Variants in PPP1R14A observed in about 807,000 individuals in gnomAD.
The protein encoded by PPP1R14A is protein phosphatase 1 regulatory subunit 14A.
A neutral mutation model predicts 14.1 loss-of-function variants in PPP1R14A; 9 were observed. The observed-to-expected ratio is 0.64, with a 90% CI of 0.38 to 1.11. The LOEUF (loss-of-function observed/expected upper bound fraction) is 1.11, where lower values mean the gene tolerates loss of function less well. Among genes scored for constraint, PPP1R14A ranks in the 50% most tolerant of loss-of-function variants. The pLI is 0.01. For synonymous variants in PPP1R14A, 93 were observed against 88.7 expected (o/e 1.05, Z -0.27); for missense variants, 208 against 200.7 (o/e 1.04, Z -0.22).
chr19:38,251,402 C>T lies in PPP1R14A; in HGVS notation c.360G>A (p.Arg120=). 6.4e-7 allele frequency: 1 copy of T among 1,561,038 alleles called. No homozygotes were observed. The highest frequency in any genetic ancestry group is 8.6e-7 in the Non-Finnish European group (1 of 1,161,918). ...ELLAKLQGLH[R]QPGLRQPSPS... ...GGCTTGGCTGGCGGAGGCCGGGCTG[C>T]CTGTGGAGGCCTTGAAGCTTTGCCA... is the stretch of plus-strand genomic sequence containing the variant. The change falls in exon 4 of 4, where the codon AGG becomes AGA. Residue 120 remains arginine, a synonymous_variant. Coordinates refer to ENST00000301242, the MANE Select transcript of PPP1R14A (RefSeq NM_033256.3).
Position 38,251,321 on chromosome 19 carries a change from G to T in PPP1R14A, c.441C>A (p.Pro147=). The stretch of plus-strand genomic sequence containing the variant: ...GGGCAGGGAGAGTGCAAGAGGGTCA[G>T]GGGTGAGCAGTCCGGGCCCGGTCCT... ...PLQDRARTAH[P] Residue 147 remains proline, a synonymous_variant, in exon 4 of 4, where the codon CCC becomes CCA. Transcript: ENST00000301242. 1 of 1,500,870 alleles carries T rather than the reference G, an allele frequency of 6.7e-7. No individual in the cohort carries two copies. Among genetic ancestry groups the T allele is most frequent in the Non-Finnish European group, 8.8e-7 (1 of 1,138,862 alleles). The allele number at this position is 1,500,870 out of a possible 1,614,324, so 93.0% of individuals were successfully genotyped here.
intron 1 of PPP1R14A, among the ~76,000 whole-genome samples, chr19:38,253,952 A>C (rs1395436437): frequency 2.6e-5 from 4 of 152,164 alleles, no homozygotes; most frequent in Non-Finnish European, 5.9e-5. Context: ...GGTGTGTGAC[A>C]CATCAGCATG....
Position 38,252,287 on chromosome 19 carries a change from T to G in PPP1R14A, c.315+19A>C. ...ACTTGGGGCCAGAACAGGGAGAGAA[T>G]GAGGGAGAGAAAACTCACCTCGACA... On this transcript the variant is annotated intron_variant, in intron 3 of 3. Transcript: ENST00000301242. This position sits in a 1 kb window ranked among gnomAD's most constrained non-coding sequence, Gnocchi z 4.1. The G allele has an allele frequency of 6.2e-7, 1 of 1,610,052 alleles. No homozygotes were observed. The highest frequency in any genetic ancestry group is 8.5e-7 in the Non-Finnish European group (1 of 1,178,048).
intron 3 of PPP1R14A, 72 bp from the exon 4 acceptor site, chr19:38,251,518 C>T (rs1400652688): frequency 6.9e-7 from 1 of 1,442,980 alleles, no homozygotes; most frequent in Admixed American, 3.0e-5. Flanking sequence ...CCAGCCCAGT[C>T]CCTGACCTGG....
At position 38,252,390 on chromosome 19, in the gene PPP1R14A, T is replaced by A; in HGVS notation, c.283-52A>T. 6.4e-7 allele frequency: 1 copy of A among 1,571,232 alleles called. No individual in the cohort carries two copies. Among genetic ancestry groups the A allele is most frequent in the Non-Finnish European group, 8.7e-7 (1 of 1,147,674 alleles). ...AAAACAGTAAATGACTAACACCTACTCCCCTCCAGCCCCTTCCCTTTCCCA... is the reference window on the plus strand; with the variant it reads ...AAAACAGTAAATGACTAACACCTACACCCCTCCAGCCCCTTCCCTTTCCCA... On this transcript the variant is annotated intron_variant, in intron 2 of 3. Coordinates refer to ENST00000301242, the MANE Select transcript of PPP1R14A (RefSeq NM_033256.3). The surrounding 1 kb of genome is among the most constrained non-coding windows in gnomAD (Gnocchi z 4.1).
Position 38,251,463 on chromosome 19 carries a change from G to T in PPP1R14A, c.316-17C>A. On this transcript the variant is annotated splice_polypyrimidine_tract_variant and intron_variant, in intron 3 of 3. Coordinates refer to ENST00000301242, the MANE Select transcript of PPP1R14A (RefSeq NM_033256.3). ...GATGAAGTCCTGAGACAGGGTGGGG[G>T]AGCTGAGAACATGGGAACAGTGCGG... 1 of 1,557,234 alleles carries T rather than the reference G, an allele frequency of 6.4e-7. No individual in the cohort carries two copies. Among genetic ancestry groups the T allele is most frequent in the Non-Finnish European group, 8.6e-7 (1 of 1,161,388 alleles).
At position 38,256,296 on chromosome 19, in the gene PPP1R14A, T is replaced by C. The variant is rs1014514719; in HGVS notation, c.44A>G (p.Gln15Arg). Residue 15 changes from glutamine to arginine, a missense_variant, in exon 1 of 4, where the codon CAG becomes CGG. Coordinates refer to ENST00000301242, the MANE Select transcript of PPP1R14A (RefSeq NM_033256.3). This position sits in a 1 kb window ranked among gnomAD's most constrained non-coding sequence, Gnocchi z 5.7. The stretch of plus-strand genomic sequence containing the variant: ...TGGCCCGCGGGCCCGCGATGGAGAC[T>C]GCAGCTTGCTCAGCACGCGCTTGCC... ...RLGKRVLSKL[Q>R]SPSRARGPGG... The C allele has an allele frequency of 4.6e-6, 7 of 1,536,662 alleles. No homozygotes were observed. In the African/African-American group the frequency reaches 9.6e-5, roughly 21 times the overall value.
chr19:38,256,260 G>A lies in PPP1R14A; in HGVS notation c.80C>T (p.Pro27Leu). Residue 27 changes from proline to leucine, a missense_variant, in exon 1 of 4, where the codon CCC (proline) becomes CTC (leucine). By Grantham distance (98) the Pro-to-Leu change is moderately conservative. Transcript: ENST00000301242. This position sits in a 1 kb window ranked among gnomAD's most constrained non-coding sequence, Gnocchi z 5.7. ...PSRARGPGGSPGGLQKRHARV... is the reference protein window; with the variant it reads ...PSRARGPGGSLGGLQKRHARV... Reference sequence around the variant, plus strand: ...CGCGTGCCGCTTCTGCAGCCCCCCGGGACTGCCCCCTGGCCCGCGGGCCCG... The same window carrying A: ...CGCGTGCCGCTTCTGCAGCCCCCCGAGACTGCCCCCTGGCCCGCGGGCCCG... 1 of 1,548,264 alleles carries A rather than the reference G, an allele frequency of 6.5e-7. No individual in the cohort carries two copies.
intron 1 of PPP1R14A, among the ~76,000 whole-genome samples, chr19:38,254,273 G>C (rs951445085): frequency 3.3e-5 from 5 of 152,118 alleles, no homozygotes; most frequent in African/African-American, 7.2e-5. Flanking sequence ...TTCAAGATCA[G>C]CCTGAGCAAC....
intron 1 of PPP1R14A, among the ~76,000 whole-genome samples, chr19:38,253,809 AGT>A (rs1457606500): frequency 6.6e-6 from 1 of 152,200 alleles, no homozygotes; most frequent in African/African-American, 2.4e-5. Context: ...CAGGTGTGTG[AGT>A]CTCTGCCAGG....
At chr19:38,254,552 A>C (rs1016914201) in intron 1 of PPP1R14A, among the ~76,000 whole-genome samples, 2 of 151,866 alleles carry the variant, frequency 1.3e-5, no homozygotes, top group African/African-American at 4.8e-5. Flanking sequence ...TGATCTGCCC[A>C]CCTTGGCCTC....
chr19:38,256,340 C>A lies in PPP1R14A; in HGVS notation c.-1G>T, dbSNP rs1182276068. On this transcript the variant is annotated 5_prime_UTR_variant, in exon 1 of 4. Coordinates refer to ENST00000301242, the MANE Select transcript of PPP1R14A (RefSeq NM_033256.3). The surrounding 1 kb of genome is among the most constrained non-coding windows in gnomAD (Gnocchi z 5.7). ...GCTTGCCCAGCCGCTGAGCTGCCAT[C>A]GCGCTGCTGGACCCAGCCTGGCCCC... The A allele has an allele frequency of 5.4e-6, 8 of 1,483,972 alleles. No homozygotes were observed. Among genetic ancestry groups the A allele is most frequent in the Non-Finnish European group, 7.1e-6 (8 of 1,122,916 alleles). The allele number at this position is 1,483,972 out of a possible 1,614,324, so 91.9% of individuals were successfully genotyped here.
chr19:38,255,278 C>A (rs1968234100), intron 1 of PPP1R14A, among the ~76,000 whole-genome samples: 1 of 152,090 alleles, frequency 6.6e-6, no homozygotes, highest in African/African-American at 2.4e-5. Flanking sequence ...TGCGTGCATG[C>A]CACCACGCCC....
Position 38,256,154 on chromosome 19 carries a change from C to T in PPP1R14A, c.186G>A (p.Glu62=). 1 of 1,547,652 alleles carries T rather than the reference C, an allele frequency of 6.5e-7. No homozygotes were observed. The highest frequency in any genetic ancestry group is 8.7e-7 in the Non-Finnish European group (1 of 1,151,536). The change falls in exon 1 of 4, where the codon GAG becomes GAA. Residue 62 remains glutamate (E), a synonymous_variant. Coordinates refer to ENST00000301242, the MANE Select transcript of PPP1R14A (RefSeq NM_033256.3). The surrounding 1 kb of genome is among the most constrained non-coding windows in gnomAD (Gnocchi z 5.7). ...VEKWIDGRLE[E]LYRGMEADMP... is the part of the protein sequence containing the mutation. ...CCGGGCTCACCATGCCGCGGTACAG[C>T]TCCTCCAGGCGCCCGTCGATCCACT... is the stretch of plus-strand genomic sequence containing the variant.
At chr19:38,255,841 G>C (rs1968241497) in intron 1 of PPP1R14A, among the ~76,000 whole-genome samples, 1 of 151,900 alleles carries the variant, frequency 6.6e-6, no homozygotes, top group Non-Finnish European at 1.5e-5. Flanking sequence ...AGACGTGGCG[G>C]TTTCAGCTCA....
intron 1 of PPP1R14A, among the ~76,000 whole-genome samples, chr19:38,254,908 C>T (rs373586032): frequency 2.6e-5 from 4 of 152,036 alleles, no homozygotes; most frequent in East Asian, 3.9e-4. Context: ...ATTCTCCTCC[C>T]GAGTAGCTGG....
At chr19:38,255,196 T>A (rs562954059) in intron 1 of PPP1R14A, among the ~76,000 whole-genome samples, 40 of 152,260 alleles carry the variant, frequency 2.6e-4, no homozygotes, top group African/African-American at 8.7e-4. Context: ...CAATCTTGGC[T>A]CACTGTGACC....
chr19:38,253,573 G>C (rs918853128), intron 1 of PPP1R14A, among the ~76,000 whole-genome samples: 2 of 152,122 alleles, frequency 1.3e-5, no homozygotes, highest in Non-Finnish European at 2.9e-5. Context: ...TGCTAAGAGC[G>C]GGGCGCTGAG....
rs1348008453 is a variant in PPP1R14A at position 38,252,998 on chromosome 19, C to T, written c.202-24G>A. ...TCCTAGGGCCAGGGAGGGAGGGGTG[C>T]TTAGGATCCCCTTCCCTCCCTCCCT... On this transcript the variant is annotated intron_variant, in intron 1 of 3. Coordinates refer to ENST00000301242, the MANE Select transcript of PPP1R14A (RefSeq NM_033256.3). This position sits in a 1 kb window ranked among gnomAD's most constrained non-coding sequence, Gnocchi z 4.1. 2 of 1,571,048 alleles carry T rather than the reference C, an allele frequency of 1.3e-6. No homozygotes were observed. The highest frequency in any genetic ancestry group is 1.4e-5 in the African/African-American group (1 of 73,966).
Sources: gnomAD v4.1 joint callset for allele counts (sites outside exome capture counted in the v4.1 genomes callset) on GRCh38, gnomAD v4.1.1 for gene constraint, Gnocchi (gnomAD v3.1) non-coding constraint, MANE v1.5 for transcripts, NCBI Gene and HGNC (gene_info 2026-07-23, HGNC 2026-07-21) for gene names.